The following STON1 variants were observed in gnomAD, a reference collection of about 807,000 sequenced individuals.
STON1 encodes the protein stonin 1, also known as stonin-1.
STON1 carries 79 observed loss-of-function variants against 60.9 expected under a neutral mutation model. The observed-to-expected ratio is 1.30, with a 90% CI of 1.08 to 1.56. STON1 has a LOEUF of 1.56. Among genes scored for constraint, STON1 ranks in the 40% most tolerant of loss-of-function variants. The pLI is 0.00. For synonymous variants in STON1, 363 were observed against 306.9 expected, an observed-to-expected ratio of 1.18 and a Z score of -1.91; for missense variants, 1,166 against 858.9, an observed-to-expected ratio of 1.36 and a Z score of -4.47.
intron 1 of STON1, among the ~76,000 whole-genome samples, chr2:48,535,930 A>T (rs1016638805): frequency 1.6e-4 from 24 of 152,070 alleles, no homozygotes; most frequent in African/African-American, 5.8e-4. Context: ...TCTACAAAAA[A>T]TATAAAAATT....
chr2:48,579,994 C>T (rs1402769393), intron 1 of STON1, among the ~76,000 whole-genome samples: 1 of 152,190 alleles, frequency 6.6e-6, no homozygotes, highest in Admixed American at 6.5e-5. Flanking sequence ...GCAACCTCTG[C>T]CTCCCAGGTT....
intron 1 of STON1, among the ~76,000 whole-genome samples, chr2:48,562,062 C>T (rs1453226565): frequency 1.3e-5 from 2 of 152,108 alleles, no homozygotes; most frequent in African/African-American, 4.8e-5. Flanking sequence ...GGTTCTACCA[C>T]GTTGGCCAGG....
At chr2:48,586,766 G>A (rs1674230430) in intron 2 of STON1, among the ~76,000 whole-genome samples, 1 of 152,196 alleles carries the variant, frequency 6.6e-6, no homozygotes, top group Non-Finnish European at 1.5e-5. Context: ...AGAAAGGCTG[G>A]CATGCAGTGC....
At chr2:48,571,197 C>T (rs1673193056) in intron 1 of STON1, among the ~76,000 whole-genome samples, 2 of 152,104 alleles carry the variant, frequency 1.3e-5, no homozygotes, top group African/African-American at 4.8e-5. Context: ...TAGGAGTTTG[C>T]AGGGTATTCC....
intron 1 of STON1, among the ~76,000 whole-genome samples, chr2:48,541,011 G>T (rs1671628130): frequency 6.6e-6 from 1 of 152,194 alleles, no homozygotes; most frequent in African/African-American, 2.4e-5. Context: ...ACTGACTGAG[G>T]TTCTTAACTC....
intron 1 of STON1, chr2:48,531,250 A>C (rs1158008387): frequency 6.6e-6 from 1 of 152,124 alleles, no homozygotes; most frequent in African/African-American, 2.4e-5. Context: ...CCAGCCTGGC[A>C]TTCCCGTCTG....
intron 1 of STON1, among the ~76,000 whole-genome samples, chr2:48,564,378 G>T (rs927616330): frequency 2.7e-5 from 4 of 150,750 alleles, no homozygotes; most frequent in Non-Finnish European, 4.4e-5. Flanking sequence ...AAGAGAGTGA[G>T]CTAGGTCCTC....
At chr2:48,531,677 C>G (rs1378553437) in intron 1 of STON1, 2 of 152,112 alleles carry the variant, frequency 1.3e-5, no homozygotes, top group Non-Finnish European at 2.9e-5. Context: ...GGGTTTTCTT[C>G]CACATGATCT....
intron 1 of STON1, among the ~76,000 whole-genome samples, chr2:48,543,505 T>C (rs1481220306): frequency 1.3e-5 from 2 of 151,604 alleles, no homozygotes; most frequent in African/African-American, 2.4e-5. Context: ...AGATAAAAAC[T>C]CTTTATTTCA....
At chr2:48,553,946 G>A (rs1672204173) in intron 1 of STON1, among the ~76,000 whole-genome samples, 2 of 152,222 alleles carry the variant, frequency 1.3e-5, no homozygotes, top group African/African-American at 4.8e-5. Flanking sequence ...CCCAGGCCAG[G>A]CAAATAGCTG....
At chr2:48,579,568 T>C (rs1673751986) in intron 1 of STON1, among the ~76,000 whole-genome samples, 1 of 152,232 alleles carries the variant, frequency 6.6e-6, no homozygotes, top group Non-Finnish European at 1.5e-5. Context: ...TATTCCATTG[T>C]GGTTAGAAAA....
rs751409119 is a variant in STON1 at position 48,582,258 on chromosome 2, A to G, written c.1625A>G (p.Glu542Gly). Residue 542 changes from glutamate to glycine, a missense_variant, in exon 2 of 4, where the codon GAA becomes GGA. Transcript: ENST00000404752. ...SVVVVQGAYVELQAFVNMASL... is the reference protein window; with the variant it reads ...SVVVVQGAYVGLQAFVNMASL... ...GTGGTTGTCCAGGGAGCATACGTGGAACTTCAGGCTTTTGTCAACATGGCC... is the reference window on the plus strand; with the variant it reads ...GTGGTTGTCCAGGGAGCATACGTGGGACTTCAGGCTTTTGTCAACATGGCC... 5 of 1,614,178 alleles carry G rather than the reference A, an allele frequency of 3.1e-6. No individual in the cohort carries two copies. In the Admixed American group the frequency reaches 8.3e-5, roughly 27 times the overall value.
At chr2:48,572,394 G>T (rs1265278553) in intron 1 of STON1, among the ~76,000 whole-genome samples, 3 of 152,182 alleles carry the variant, frequency 2.0e-5, no homozygotes, top group African/African-American at 7.2e-5. Context: ...CTATGGAAGA[G>T]TCCTGGACGG....
intron 2 of STON1, among the ~76,000 whole-genome samples, chr2:48,588,806 A>C (rs1674354200): frequency 6.6e-6 from 1 of 152,080 alleles, no homozygotes; most frequent in Non-Finnish European, 1.5e-5. Flanking sequence ...CTGGTCCCTT[A>C]ATGTCCCTTC....
chr2:48,581,070 C>G lies in STON1; in HGVS notation c.437C>G (p.Thr146Ser). 6.3e-7 allele frequency: 1 copy of G among 1,597,718 alleles called. No individual in the cohort carries two copies. The highest frequency in any genetic ancestry group is 1.1e-5 in the South Asian group (1 of 87,204). ...LPSDHSCTHP[T>S]PKVGLPDEVN... Reference sequence around the variant, plus strand: ...AGTGACCACTCATGTACACATCCAACTCCCAAAGTAGGTCTTCCAGATGAA... The same window carrying G: ...AGTGACCACTCATGTACACATCCAAGTCCCAAAGTAGGTCTTCCAGATGAA... Residue 146 changes from threonine to serine, a missense_variant, in exon 2 of 4, where the codon ACT (threonine) becomes AGT (serine). Physicochemically the swap from Thr to Ser is moderately conservative, Grantham distance 58 (BLOSUM62 1). Coordinates refer to ENST00000404752, the MANE Select transcript of STON1 (RefSeq NM_006873.4).
intron 1 of STON1, among the ~76,000 whole-genome samples, chr2:48,577,608 T>A (rs1258398531): frequency 6.7e-6 from 1 of 149,618 alleles, no homozygotes; most frequent in East Asian, 2.0e-4. Flanking sequence ...AAAAAACAGG[T>A]TTTTTTGTTT....
intron 1 of STON1, among the ~76,000 whole-genome samples, chr2:48,536,658 C>T (rs1671445708): frequency 6.6e-6 from 1 of 150,884 alleles, no homozygotes; most frequent in Admixed American, 6.6e-5. Flanking sequence ...TCTGGGCCAT[C>T]TTGGATTTGA....
rs544824444 is a variant in STON1, at chr2:48,589,563, C to T, written c.1931-2090C>T. On this transcript the variant is annotated intron_variant, in intron 2 of 3. Coordinates refer to ENST00000404752, the MANE Select transcript of STON1 (RefSeq NM_006873.4). ...GTAGAGCATTTAGCATTTTCAAAAGCCTTAAAAAATAAGCCAGAAAACTTG... is the reference window on the plus strand; with the variant it reads ...GTAGAGCATTTAGCATTTTCAAAAGTCTTAAAAAATAAGCCAGAAAACTTG... Among the ~76,000 whole-genome samples, 7 of 152,212 alleles carry T rather than the reference C, an allele frequency of 4.6e-5. No individual in the cohort carries two copies. The East Asian group carries it at 1.2e-3, about 25-fold the overall frequency.
chr2:48,535,068 A>G (rs1198591083), intron 1 of STON1, among the ~76,000 whole-genome samples: 2 of 152,036 alleles, frequency 1.3e-5, no homozygotes, highest in Non-Finnish European at 2.9e-5. Context: ...AGATCAGGCA[A>G]ATTATGTCTT....
Sources: gnomAD v4.1 joint callset for allele counts (sites outside exome capture counted in the v4.1 genomes callset) on GRCh38, gnomAD v4.1.1 for gene constraint, MANE v1.5 for transcripts, NCBI Gene and HGNC (gene_info 2026-07-23, HGNC 2026-07-21) for gene names.